Variants in P4HA3 observed in about 807,000 individuals in gnomAD.
P4HA3 encodes prolyl 4-hydroxylase subunit alpha 3, also known as prolyl 4-hydroxylase subunit alpha-3.
A neutral mutation model predicts 66.7 loss-of-function variants in P4HA3; 60 were observed. That is an observed-to-expected ratio of 0.90 (90% CI 0.73 to 1.12). P4HA3 has a LOEUF of 1.12. Ranked by LOEUF, P4HA3 falls within the 50% of genes most tolerant of loss-of-function variation. The pLI is 0.00. For missense variants in P4HA3, 683 were observed against 685.8 expected (o/e 1.00, Z 0.05); for synonymous variants, 263 against 274.6 (o/e 0.96, Z 0.42).
chr11:74,285,232 G>A (rs1860748496), intron 7 of P4HA3, among the ~76,000 whole-genome samples: 1 of 152,076 alleles, frequency 6.6e-6, no homozygotes, highest in Admixed American at 6.6e-5. Context: ...GTACCTCTAA[G>A]TTCTAGCTGT....
At chr11:74,264,945 A>C, downstream of P4HA3, among the ~76,000 whole-genome samples, 1 of 152,128 alleles carries the variant, frequency 6.6e-6, no homozygotes. Flanking sequence ...ATGTTTGATA[A>C]CTGCCCCATC....
At position 74,285,921 on chromosome 11, in the gene P4HA3, A is replaced by G; in HGVS notation, c.998T>C (p.Leu333Pro). 1 of 1,612,052 alleles carries G rather than the reference A, an allele frequency of 6.2e-7. No homozygotes were observed. The highest frequency in any genetic ancestry group is 8.5e-7 in the Non-Finnish European group (1 of 1,178,136). ...GACCTCCTTCCGGATGGGCTGGAGC[A>G]GCAGGTAGGCGTTGGAATTGGTCTC... ...SYETNSNAYLLLQPIRKEVIH... is the reference protein window; with the variant it reads ...SYETNSNAYLPLQPIRKEVIH... The change falls in exon 7 of 13, where the codon CTG becomes CCG. Residue 333 changes from leucine to proline, a missense_variant. Physicochemically the swap from Leu to Pro is moderately conservative, Grantham distance 98. Coordinates refer to ENST00000331597, the MANE Select transcript of P4HA3 (RefSeq NM_182904.5).
intron 2 of P4HA3, among the ~76,000 whole-genome samples, chr11:74,303,500 C>T (rs564378139): frequency 5.3e-5 from 8 of 151,842 alleles, no homozygotes; most frequent in South Asian, 2.1e-4. Context: ...AGGCTAGTCT[C>T]GAACTCCTGA....
intron 5 of P4HA3, 67 bp downstream of exon 5, chr11:74,289,012 C>G (rs1183941879): frequency 3.6e-5 from 42 of 1,175,718 alleles, no homozygotes; most frequent in Non-Finnish European, 4.8e-5. Context: ...GAATTAAAGG[C>G]CAGGAGCAGA....
intron 1 of P4HA3, among the ~76,000 whole-genome samples, chr11:74,306,550 T>C (rs1861586230): frequency 6.6e-6 from 1 of 151,634 alleles, no homozygotes; most frequent in African/African-American, 2.4e-5. Context: ...TGAAAAAAAA[T>C]GAACGTGTGC....
In P4HA3 at chr11:74,287,176, G is replaced by A. The variant is rs940727494; in HGVS notation, c.770-785C>T. ...GCATTGGCAGAGCTACCCGTGGCCT[G>A]CTGGCCTCTTTGCATGACTCTCAAT... On this transcript the variant is annotated intron_variant, in intron 5 of 12. Coordinates refer to ENST00000331597, the MANE Select transcript of P4HA3 (RefSeq NM_182904.5). 1.3e-4 allele frequency: 167 copies of A among 1,272,182 alleles called. 3 individuals are homozygous for A. In the South Asian group the frequency reaches 2.0e-3, roughly 15 times the overall value. The allele number at this position is 1,272,182 out of a possible 1,614,324, so 78.8% of individuals were successfully genotyped here. A position where few individuals can be genotyped will look rare whatever the true frequency, so the allele number is the denominator to read the frequency against.
rs769109836 is a variant in P4HA3, at chr11:74,302,408, G to A, written c.528C>T (p.Leu176=). ...AITDLYSPKR[L]FSLTGDDCFQ... The stretch of plus-strand genomic sequence containing the variant: ...AGCAGTCATCCCCTGTGAGAGAAAA[G>A]AGCCGTTTGGGGCTGTACAGGTCAG... The change falls in exon 3 of 13, where the codon CTC becomes CTT. Residue 176 remains leucine (L), a synonymous_variant. Transcript: ENST00000331597. The A allele has an allele frequency of 6.2e-7, 1 of 1,613,938 alleles. No homozygotes were observed. Among genetic ancestry groups the A allele is most frequent in the Non-Finnish European group, 8.5e-7 (1 of 1,179,994 alleles).
At chr11:74,288,060 A>G (rs1165348862) in intron 5 of P4HA3, among the ~76,000 whole-genome samples, 2 of 152,146 alleles carry the variant, frequency 1.3e-5, no homozygotes, top group East Asian at 3.8e-4. Context: ...CACCCCTAAA[A>G]GCAAAAGCAA....
At chr11:74,268,810 G>A (rs1860085439) in intron 11 of P4HA3, among the ~76,000 whole-genome samples, 1 of 152,192 alleles carries the variant, frequency 6.6e-6, no homozygotes, top group South Asian at 2.1e-4. Flanking sequence ...CAGGTGTTCT[G>A]ACGCTAAATC....
At chr11:74,309,071 G>A (rs183872685) in intron 1 of P4HA3, among the ~76,000 whole-genome samples, 22 of 152,206 alleles carry the variant, frequency 1.4e-4, no homozygotes. Flanking sequence ...TCTATGTCTT[G>A]GTATAACAGA....
At chr11:74,273,708 C>A in intron 9 of P4HA3, 101 bp from the exon 10 acceptor site, 1 of 921,490 alleles carries the variant, frequency 1.1e-6, no homozygotes. Context: ...ATGGGGGCAT[C>A]AAAGATGGGA....
chr11:74,252,572 T>G (rs1392312372), intron 15 of P4HA3: 1 of 454,034 alleles, frequency 2.2e-6, no homozygotes, highest in Admixed American at 2.4e-5. Flanking sequence ...GTTTTCAACC[T>G]CAGCTTTATT....
At chr11:74,273,031 G>A (rs2134731176) in intron 10 of P4HA3, among the ~76,000 whole-genome samples, 1 of 152,300 alleles carries the variant, frequency 6.6e-6, no homozygotes, top group African/African-American at 2.4e-5. Context: ...ATTTTATAGA[G>A]AGATAAGGAA....
At chr11:74,276,914 C>T (rs901904293) in intron 9 of P4HA3, 71 bp downstream of exon 9, 1 of 1,445,540 alleles carries the variant, frequency 6.9e-7, no homozygotes, top group Non-Finnish European at 9.3e-7. Flanking sequence ...CCTACAAGAG[C>T]TCTGCCTCAG....
chr11:74,250,665 T>G (rs1859634018), intron 15 of P4HA3: 1 of 349,980 alleles, frequency 2.9e-6, no homozygotes, highest in Admixed American at 4.1e-5. Flanking sequence ...TTTACTCCCC[T>G]ACTGGACTGT....
chr11:74,309,985 C>A (rs1861682350), intron 1 of P4HA3, among the ~76,000 whole-genome samples: 1 of 152,198 alleles, frequency 6.6e-6, no homozygotes, highest in African/African-American at 2.4e-5. Context: ...CAGAGTCACT[C>A]CCCATTCCAC....
downstream of P4HA3, among the ~76,000 whole-genome samples, chr11:74,263,247 G>C (rs992986664): frequency 4.6e-5 from 7 of 152,198 alleles, no homozygotes; most frequent in East Asian, 1.3e-3. Context: ...CAGATCACTC[G>C]ACAAGTGTTC....
At chr11:74,265,367 G>A (rs1209839910), downstream of P4HA3, among the ~76,000 whole-genome samples, 2 of 152,178 alleles carry the variant, frequency 1.3e-5, no homozygotes, top group Non-Finnish European at 2.9e-5. Context: ...GAGGAAGCTG[G>A]GTATTAGAAC....
At chr11:74,257,693 G>A (rs1859851106) in intron 15 of P4HA3, among the ~76,000 whole-genome samples, 1 of 152,124 alleles carries the variant, frequency 6.6e-6, no homozygotes, top group Admixed American at 6.5e-5. Flanking sequence ...ACAAGGTCAG[G>A]TCTTTTTTAT....
Sources: gnomAD v4.1 joint callset for allele counts (sites outside exome capture counted in the v4.1 genomes callset) on GRCh38, gnomAD v4.1.1 for gene constraint, MANE v1.5 for transcripts, NCBI Gene and HGNC (gene_info 2026-07-23, HGNC 2026-07-21) for gene names.